The following AKAP13 variants were observed in gnomAD, a reference collection of about 807,000 sequenced individuals.
AKAP13 encodes A-kinase anchor protein 13.
In AKAP13, 80 loss-of-function variants were observed where a neutral mutation model predicts 264.5. That is an observed-to-expected ratio of 0.30 (90% CI 0.25 to 0.36). The LOEUF (loss-of-function observed/expected upper bound fraction) is 0.36, where lower values mean the gene tolerates loss of function less well. Ranked by LOEUF, AKAP13 falls within the 10% of genes least tolerant of loss-of-function variation. The probability of loss-of-function intolerance (pLI) is 1.00; values close to 1 mark genes in which losing one functional copy is unlikely to be tolerated. For synonymous variants in AKAP13, 1,380 were observed against 1,250.2 expected (o/e 1.10, Z -2.19); for missense variants, 3,712 against 3,435.2 (o/e 1.08, Z -2.01).
intron 1 of AKAP13, among the ~76,000 whole-genome samples, chr15:85,453,173 G>A (rs1487636618): frequency 1.3e-5 from 2 of 152,198 alleles, no homozygotes; most frequent in Non-Finnish European, 2.9e-5. Context: ...TCATCAGACC[G>A]AGGGTGGCAA....
chr15:85,599,541 T>A (rs1567148114), intron 8 of AKAP13, among the ~76,000 whole-genome samples: 2 of 152,164 alleles, frequency 1.3e-5, no homozygotes, highest in Non-Finnish European at 2.9e-5. Context: ...TCACTGGTTT[T>A]GGTCTCATCT....
chr15:85,632,914 G>A (rs1029614826), intron 8 of AKAP13, among the ~76,000 whole-genome samples: 15 of 152,044 alleles, frequency 9.9e-5, no homozygotes, highest in African/African-American at 3.6e-4. Flanking sequence ...TCGCTAGGCT[G>A]GAGTGCTGTG....
chr15:85,720,721 T>C lies in AKAP13; in HGVS notation c.6253-1270T>C, dbSNP rs900119546. 3.3e-5 allele frequency among the ~76,000 whole-genome samples: 5 copies of C among 152,318 alleles called. 1 individual carries two copies. The Middle Eastern group carries it at 0.014, about 414-fold the overall frequency. On this transcript the variant is annotated intron_variant, in intron 23 of 36. Transcript: ENST00000394518. ...AATTGTTGGAACATTTGTCTGAGAA[T>C]TGTAAATTTTGTCTTTCCTTTGTGT... is the stretch of plus-strand genomic sequence containing the variant.
chr15:85,632,840 G>A (rs1403008910), intron 8 of AKAP13, among the ~76,000 whole-genome samples: 1 of 150,214 alleles, frequency 6.7e-6, no homozygotes, highest in Non-Finnish European at 1.5e-5. Context: ...GTGGTATTGA[G>A]AAGGTAATGA....
At chr15:85,477,229 G>A (rs1242347093) in intron 1 of AKAP13, among the ~76,000 whole-genome samples, 1 of 151,830 alleles carries the variant, frequency 6.6e-6, no homozygotes, top group East Asian at 1.9e-4. Context: ...TGAGTCAGAG[G>A]TGCGAGTGGG....
chr15:85,707,945 TG>T, intron 17 of AKAP13, 73 bp from the exon 18 acceptor site: 2 of 1,483,646 alleles, frequency 1.3e-6, no homozygotes, highest in South Asian at 2.3e-5. Flanking sequence ...AGGCCACTTG[TG>T]GCAGCAGTGG....
chr15:85,608,260 C>T (rs952261725), intron 8 of AKAP13, among the ~76,000 whole-genome samples: 3 of 152,110 alleles, frequency 2.0e-5, no homozygotes, highest in East Asian at 1.9e-4. Context: ...TGTGTCTGGC[C>T]AGGAGTATTC....
chr15:85,647,356 C>G (rs1346387633), intron 10 of AKAP13, among the ~76,000 whole-genome samples: 1 of 152,188 alleles, frequency 6.6e-6, no homozygotes, highest in African/African-American at 2.4e-5. Flanking sequence ...TGAGATCACA[C>G]CACTGCACTG....
At chr15:85,497,050 C>G (rs1008461153) in intron 2 of AKAP13, among the ~76,000 whole-genome samples, 3 of 152,262 alleles carry the variant, frequency 2.0e-5, no homozygotes, top group African/African-American at 7.2e-5. Flanking sequence ...CTTTTCAGAG[C>G]CTTTTTACAG....
chr15:85,636,689 G>A (rs528055329), intron 8 of AKAP13, among the ~76,000 whole-genome samples: 24 of 151,116 alleles, frequency 1.6e-4, no homozygotes, highest in Non-Finnish European at 2.7e-4. Context: ...ATCACGGCTC[G>A]CTGCAACCTC....
At chr15:85,467,400 G>C (rs934287839) in intron 1 of AKAP13, among the ~76,000 whole-genome samples, 1 of 151,940 alleles carries the variant, frequency 6.6e-6, no homozygotes, top group African/African-American at 2.4e-5. Flanking sequence ...CTTGTGATCT[G>C]TTCCTACTGG....
At position 85,746,387 on chromosome 15, in the gene AKAP13, C is replaced by CA. The variant is rs2151797312; in HGVS notation, c.*1711dup. ...AGTCAATACCGAGTGAAGTGGCAGCCAGCACTGTTCACTCTGTGTCTTTTG... is the reference window on the plus strand; with the variant it reads ...AGTCAATACCGAGTGAAGTGGCAGCCAAGCACTGTTCACTCTGTGTCTTTTG... On this transcript the variant is annotated 3_prime_UTR_variant, in exon 37 of 37. Transcript: ENST00000394518. 1 of 152,186 alleles carries CA rather than the reference C, an allele frequency of 6.6e-6. No homozygotes were observed. Among genetic ancestry groups the CA allele is most frequent in the East Asian group, 1.9e-4 (1 of 5,168 alleles). 9.4% of individuals were successfully genotyped at this position (152,186 alleles called of 1,614,324 possible).
At chr15:85,645,777 T>G in intron 9 of AKAP13, 41 bp from the exon 10 acceptor site, 3 of 1,522,780 alleles carry the variant, frequency 2.0e-6, no homozygotes, top group Non-Finnish European at 2.6e-6. Flanking sequence ...GTTTTTTTGT[T>G]TTTTTTTTTT....
chr15:85,669,698 GTTC>G (rs771184136), intron 13 of AKAP13, 21 bp from the exon 14 acceptor site: 2 of 1,517,916 alleles, frequency 1.3e-6, no homozygotes, highest in South Asian at 2.2e-5. Flanking sequence ...CTTACAACGT[GTTC>G]TTCACTTTTT....
At position 85,691,371 on chromosome 15, in the gene AKAP13, T is replaced by C. The variant is rs72748158; in HGVS notation, c.5290-1906T>C. Among the ~76,000 whole-genome samples, 850 of 152,332 alleles carry C rather than the reference T, an allele frequency of 5.6e-3. 7 individuals are homozygous for C. Among genetic ancestry groups the C allele is most frequent in the Non-Finnish European group, 8.4e-3 (569 of 68,002 alleles). ...GAGCATGGTTATATCCCCATGGTCCTGGCCTCCTAAGGATGGTGTCCACCT... is the reference window on the plus strand; with the variant it reads ...GAGCATGGTTATATCCCCATGGTCCCGGCCTCCTAAGGATGGTGTCCACCT... On this transcript the variant is annotated intron_variant, in intron 16 of 36. Coordinates refer to ENST00000394518, the MANE Select transcript of AKAP13 (RefSeq NM_007200.5).
At chr15:85,566,063 A>G (rs2078594943) in intron 5 of AKAP13, among the ~76,000 whole-genome samples, 1 of 152,212 alleles carries the variant, frequency 6.6e-6, no homozygotes, top group Non-Finnish European at 1.5e-5. Context: ...CATACTGTGA[A>G]GCAGATGATG....
rs761884204 is a variant in AKAP13 at position 85,533,536 on chromosome 15, G to A, written c.182-48G>A. ...AAGAGGATCCACTAGCGTCCTTTCA[G>A]CAGTGAGGCTCTAATACTGTTTTAT... is the stretch of plus-strand genomic sequence containing the variant. On this transcript the variant is annotated intron_variant, in intron 3 of 36. Coordinates refer to ENST00000394518, the MANE Select transcript of AKAP13 (RefSeq NM_007200.5). 2.0e-6 allele frequency: 3 copies of A among 1,524,182 alleles called. No homozygotes were observed. In the East Asian group the frequency reaches 6.8e-5, roughly 35 times the overall value. 94.4% of individuals were successfully genotyped at this position (1,524,182 alleles called of 1,614,324 possible).
Position 85,579,653 on chromosome 15 carries a change from G to T in AKAP13, c.1585G>T (p.Asp529Tyr), listed in dbSNP as rs921245721. 2.5e-6 allele frequency: 4 copies of T among 1,614,086 alleles called. No homozygotes were observed. In the East Asian group the frequency reaches 8.9e-5, roughly 36 times the overall value. The change falls in exon 7 of 37, where the codon GAT (aspartate) becomes TAT (tyrosine). Residue 529 changes from aspartate (D) to tyrosine (Y), a missense_variant. By Grantham distance (160) the Asp-to-Tyr change is radical. Around this residue, in one of 3 missense-constraint regions of AKAP13, gnomAD observed 2,759 missense variants for 2,411.7 expected, o/e 1.14. Coordinates refer to ENST00000394518, the MANE Select transcript of AKAP13 (RefSeq NM_007200.5). ...CGTGCACGTCACAAGTAAGCCTGTG[G>T]ATAAAATCAGTGTTCCAAACTGTGC... is the stretch of plus-strand genomic sequence containing the variant. ...SDVHVTSKPVDKISVPNCAPA... is the reference protein window; with the variant it reads ...SDVHVTSKPVYKISVPNCAPA...
At chr15:85,415,773 C>T (rs1394403068) in intron 1 of AKAP13, 1 of 589,674 alleles carries the variant, frequency 1.7e-6, no homozygotes, top group Non-Finnish European at 3.0e-6. Context: ...ATTTTACATA[C>T]AGCTATTTCA....
Sources: allele counts gnomAD v4.1 joint callset (sites outside exome capture counted in the v4.1 genomes callset), GRCh38; gene constraint gnomAD v4.1.1; regional missense constraint gnomAD v4.1.1; transcripts MANE v1.5; gene names NCBI Gene and HGNC (gene_info 2026-07-23, HGNC 2026-07-21).